TENM4: variants seen among roughly 807,000 people sequenced by gnomAD.
TENM4 encodes teneurin-4.
Under a neutral mutation model 243.3 loss-of-function variants are expected in TENM4, and 82 were observed. The observed-to-expected ratio is 0.34, with a 90% CI of 0.28 to 0.40. The LOEUF is 0.40. Among genes scored for constraint, TENM4 ranks in the 10% least tolerant of loss-of-function variants. TENM4 has a pLI of 1.00. For missense variants in TENM4, 3,138 were observed against 3,673.3 expected (o/e 0.85, Z 3.77); for synonymous variants, 1,412 against 1,456.3 (o/e 0.97, Z 0.69).
At chr11:78,863,488 AAAT>A (rs1461918250) in intron 9 of TENM4, among the ~76,000 whole-genome samples, 5 of 152,254 alleles carry the variant, frequency 3.3e-5, no homozygotes, top group African/African-American at 1.2e-4. Flanking sequence ...TAACTTGTAC[AAAT>A]AATAACCAAA....
chr11:79,338,992 G>A (rs1175908029), intron 1 of TENM4, among the ~76,000 whole-genome samples: 9 of 152,284 alleles, frequency 5.9e-5, no homozygotes, highest in Middle Eastern at 3.4e-3. Context: ...GCCTTGAAGC[G>A]GGAGATGATG....
chr11:79,253,983 TA>T lies in TENM4; in HGVS notation c.-264-38075del, dbSNP rs2135309759. On this transcript the variant is annotated intron_variant, in intron 2 of 33. Coordinates refer to ENST00000278550, the MANE Select transcript of TENM4 (RefSeq NM_001098816.3). The stretch of plus-strand genomic sequence containing the variant: ...ATGCAGATCAAAACAACAGTGAAAT[TA>T]CATTCTTTTCCCTATCAGGTTGGTG... Among the ~76,000 whole-genome samples the T allele has an allele frequency of 2.0e-5, 3 of 152,310 alleles. No homozygotes were observed. In the South Asian group the frequency reaches 6.2e-4, roughly 32 times the overall value.
At chr11:79,240,662 T>A (rs762380247) in intron 2 of TENM4, among the ~76,000 whole-genome samples, 1 of 152,176 alleles carries the variant, frequency 6.6e-6, no homozygotes, top group Non-Finnish European at 1.5e-5. Context: ...CCCCAACGCT[T>A]GTCTGCTATG....
intron 32 of TENM4, 144 bp downstream of exon 32, chr11:78,668,793 C>T: frequency 9.2e-7 from 1 of 1,088,602 alleles, no homozygotes; most frequent in Non-Finnish European, 1.3e-6. Flanking sequence ...AGTGTTTCTT[C>T]AAACGGACTT....
At chr11:79,356,422 GA>G (rs1857497482) in intron 1 of TENM4, among the ~76,000 whole-genome samples, 1 of 152,226 alleles carries the variant, frequency 6.6e-6, no homozygotes, top group South Asian at 2.1e-4. Flanking sequence ...GCCTGGTGTA[GA>G]GTCATCACCA....
chr11:79,046,561 T>C (rs927489393), intron 6 of TENM4, among the ~76,000 whole-genome samples: 1 of 152,014 alleles, frequency 6.6e-6, no homozygotes, highest in African/African-American at 2.4e-5. Flanking sequence ...CATAGCCGAG[T>C]AGGGTGGGAA....
At chr11:78,933,631 G>T (rs188352270) in intron 6 of TENM4, among the ~76,000 whole-genome samples, 59 of 152,282 alleles carry the variant, frequency 3.9e-4, no homozygotes, top group African/African-American at 1.3e-3. Flanking sequence ...CTGCAGATTT[G>T]CTAAGTTTCA....
chr11:79,165,913 T>G (rs569944073), intron 3 of TENM4, among the ~76,000 whole-genome samples: 1 of 152,206 alleles, frequency 6.6e-6, no homozygotes, highest in African/African-American at 2.4e-5. Context: ...CCCCACTTTA[T>G]GTTGTTGTTT....
In TENM4 at chr11:79,143,282, C is replaced by T. The variant is rs560703005; in HGVS notation, c.-66+5428G>A. Among the ~76,000 whole-genome samples the T allele has an allele frequency of 7.4e-4, 113 of 152,076 alleles. 2 individuals are homozygous for T. Among genetic ancestry groups the T allele is most frequent in the South Asian group, 2.1e-4 (1 of 4,816 alleles). On this transcript the variant is annotated intron_variant, in intron 4 of 33. Coordinates refer to ENST00000278550, the MANE Select transcript of TENM4 (RefSeq NM_001098816.3). ...CAAAGACTTGGAACCAACCCAAATG[C>T]CCATCAATGATAGACTGGATTAAGA...
chr11:79,077,692 C>T (rs967049586), intron 4 of TENM4, among the ~76,000 whole-genome samples: 12 of 152,192 alleles, frequency 7.9e-5, no homozygotes, highest in South Asian at 2.1e-4. Context: ...AGTTATATTC[C>T]GAGAGTTCAG....
At chr11:79,370,455 C>T (rs485417) in intron 1 of TENM4, among the ~76,000 whole-genome samples, 4 of 152,000 alleles carry the variant, frequency 2.6e-5, no homozygotes, top group Non-Finnish European at 5.9e-5. Context: ...CTCCATCATG[C>T]GAAGTATGAG....
intron 9 of TENM4, among the ~76,000 whole-genome samples, chr11:78,863,709 C>A (rs1412450499): frequency 6.6e-6 from 1 of 152,142 alleles, no homozygotes; most frequent in Non-Finnish European, 1.5e-5. Flanking sequence ...GAATGGAAAG[C>A]AAGCATTCCC....
At chr11:78,961,753 G>T (rs1184134046) in intron 6 of TENM4, among the ~76,000 whole-genome samples, 2 of 151,996 alleles carry the variant, frequency 1.3e-5, no homozygotes, top group Non-Finnish European at 2.9e-5. Context: ...GCACAGAGTA[G>T]GTAGTTGGTT....
intron 12 of TENM4, among the ~76,000 whole-genome samples, chr11:78,829,605 T>C (rs981251567): frequency 1.6e-4 from 24 of 152,198 alleles, no homozygotes; most frequent in African/African-American, 5.5e-4. Flanking sequence ...CTTGCAGGCT[T>C]CAGAATGAGA....
Position 78,712,660 on chromosome 11 carries a change from G to A in TENM4, c.3876C>T (p.Val1292=). The change falls in exon 26 of 34, where the codon GTC becomes GTT. Residue 1292 remains valine, a synonymous_variant. Transcript: ENST00000278550. ...YLATDPMSGA[V]FLSDSNSRRV... Reference sequence around the variant, plus strand: ...GCCGGCTGTTGCTGTCAGAAAGGAAGACGGCCCCACTCATGGGGTCTGTGG... The same window carrying A: ...GCCGGCTGTTGCTGTCAGAAAGGAAAACGGCCCCACTCATGGGGTCTGTGG... The A allele has an allele frequency of 6.2e-7, 1 of 1,614,040 alleles. No individual in the cohort carries two copies. The highest frequency in any genetic ancestry group is 8.5e-7 in the Non-Finnish European group (1 of 1,179,904).
intron 1 of TENM4, chr11:79,402,183 C>T (rs976613171): frequency 5.2e-5 from 15 of 285,974 alleles, no homozygotes; most frequent in African/African-American, 2.8e-4. Context: ...CAGGAGAAGT[C>T]AGGCTTCAGG....
chr11:79,299,027 A>G (rs1277971854), intron 1 of TENM4, among the ~76,000 whole-genome samples: 7 of 152,064 alleles, frequency 4.6e-5, no homozygotes. Context: ...CCATTCGGAC[A>G]ATATCTAGGA....
chr11:78,736,477 T>TGTGTGTGTGTGTGTGTGTGTGC (rs1328804792), intron 20 of TENM4, among the ~76,000 whole-genome samples: 16 of 102,126 alleles, frequency 1.6e-4, no homozygotes, highest in African/African-American at 5.0e-4. Context: ...TGTGTGTGTG[T>TGTGTGTGTGTGTGTGTGTGTGC]GTGCGCGCGC....
intron 1 of TENM4, among the ~76,000 whole-genome samples, chr11:79,362,852 G>T (rs1239691349): frequency 6.6e-6 from 1 of 152,232 alleles, no homozygotes; most frequent in Non-Finnish European, 1.5e-5. Context: ...CAAATACGTA[G>T]CAGTCAATGA....
Sources: gnomAD v4.1 joint callset for allele counts (sites outside exome capture counted in the v4.1 genomes callset) on GRCh38, gnomAD v4.1.1 for gene constraint, MANE v1.5 for transcripts, NCBI Gene and HGNC (gene_info 2026-07-23, HGNC 2026-07-21) for gene names.